The following RASA3 variants were observed in gnomAD, a reference collection of about 807,000 sequenced individuals.
The protein encoded by RASA3 is RAS p21 protein activator 3.
RASA3 carries 73 observed loss-of-function variants against 110.0 expected under a neutral mutation model. The ratio of observed to expected loss-of-function variants is 0.66; its 90% CI spans 0.55 to 0.81. The LOEUF (loss-of-function observed/expected upper bound fraction) is 0.81. Ranked by LOEUF, RASA3 falls within the 30% of genes least tolerant of loss-of-function variation. The pLI, the probability that RASA3 is intolerant of heterozygous loss-of-function variation, is 0.00. For missense variants in RASA3, 976 were observed against 1,113.2 expected, an observed-to-expected ratio of 0.88 and a Z score of 1.75; for synonymous variants, 500 against 451.4, an observed-to-expected ratio of 1.11 and a Z score of -1.37.
At chr13:113,981,644 C>T (rs369764105) in intron 23 of RASA3, 31 bp downstream of exon 23, 168 of 1,608,802 alleles carry the variant, frequency 1.0e-4, no homozygotes, top group South Asian at 8.3e-4. Flanking sequence ...CTACACTGGC[C>T]GTCCAGGGCA....
At chr13:114,067,469 A>G (rs1454354215) in intron 2 of RASA3, among the ~76,000 whole-genome samples, 4 of 152,252 alleles carry the variant, frequency 2.6e-5, no homozygotes, top group Non-Finnish European at 5.9e-5. Flanking sequence ...TTCCTAAGTC[A>G]GCAACTTGGT....
chr13:114,065,347 T>TG lies in RASA3; in HGVS notation c.173+8372dup, dbSNP rs927848619. Among the ~76,000 whole-genome samples the TG allele has an allele frequency of 6.6e-6, 1 of 152,004 alleles. No individual in the cohort carries two copies. The highest frequency in any genetic ancestry group is 2.4e-5 in the African/African-American group (1 of 41,386). On this transcript the variant is annotated intron_variant, in intron 2 of 23. Coordinates refer to ENST00000334062, the MANE Select transcript of RASA3 (RefSeq NM_007368.4). The surrounding 1 kb of genome is among the most constrained non-coding windows in gnomAD (Gnocchi z 4.1). ...GGCTCGGGGCCCATTTCCCAAACGC[T>TG]GGGGGGAGCCGGGAGCTGCCAGGGC...
chr13:114,117,746 T>TGTGAGGGGTGCAC (rs1398303056), intron 1 of RASA3, among the ~76,000 whole-genome samples: 1 of 122,190 alleles, frequency 8.2e-6, no homozygotes, highest in Admixed American at 9.0e-5. Context: ...AGAGCACGTG[T>TGTGAGGGGTGCAC]GTGAGGGATG....
chr13:114,018,184 C>T lies in RASA3; in HGVS notation c.1011G>A (p.Pro337=), dbSNP rs746240162. 3.6e-5 allele frequency: 56 copies of T among 1,552,104 alleles called. No individual in the cohort carries two copies. Among genetic ancestry groups the T allele is most frequent in the African/African-American group, 1.4e-4 (10 of 73,100 alleles). Residue 337 remains proline (P), a synonymous_variant, in exon 11 of 24, where the codon CCG becomes CCA. Transcript: ENST00000334062. ...VCREKQEAAV[P]LVRLFLHYGR... is the part of the protein sequence containing the mutation. ...CATAGTGTAGGAAGAGCCGCACCAG[C>T]GGGACGGCCGCCTCCTGCTTCTCCC...
At chr13:114,020,840 C>G (rs555720039) in intron 9 of RASA3, among the ~76,000 whole-genome samples, 1 of 152,196 alleles carries the variant, frequency 6.6e-6, no homozygotes, top group Non-Finnish European at 1.5e-5. Flanking sequence ...GAGGTGCTGC[C>G]GAGGGCCCAG....
At chr13:114,074,096 G>T (rs1036285990) in intron 1 of RASA3, among the ~76,000 whole-genome samples, 1 of 152,214 alleles carries the variant, frequency 6.6e-6, no homozygotes, top group Non-Finnish European at 1.5e-5. Flanking sequence ...GCTGTGTCTT[G>T]TTTACCTGCA....
rs1046144589 is a variant in RASA3, at chr13:114,114,723, G to A, written c.55+17712C>T. ...TAACCCTTGATAACATGTGGGCAGG[G>A]TTTCAGTGTAAACCCGAGGGCAGGT... On this transcript the variant is annotated intron_variant, in intron 1 of 23. Transcript: ENST00000334062. The surrounding 1 kb of genome is among the most constrained non-coding windows in gnomAD (Gnocchi z 4.8). 1.1e-4 allele frequency among the ~76,000 whole-genome samples: 17 copies of A among 152,186 alleles called. No individual in the cohort carries two copies. Among genetic ancestry groups the A allele is most frequent in the Non-Finnish European group, 2.4e-4 (16 of 68,038 alleles).
Position 114,096,231 on chromosome 13 carries a change from G to A in RASA3, c.56-22394C>T, listed in dbSNP as rs1459980131. Among the ~76,000 whole-genome samples the A allele has an allele frequency of 6.6e-6, 1 of 152,180 alleles. No homozygotes were observed. Among genetic ancestry groups the A allele is most frequent in the African/African-American group, 2.4e-5 (1 of 41,438 alleles). ...AGGGAGTGCGCAGGCCCACCCCGGC[G>A]TGCTGCCTGGGAGTCCACGTTCTCG... is the stretch of plus-strand genomic sequence containing the variant. On this transcript the variant is annotated intron_variant, in intron 1 of 23. Transcript: ENST00000334062. The surrounding 1 kb of genome is among the most constrained non-coding windows in gnomAD (Gnocchi z 5.1).
At chr13:114,045,082 G>GC (rs2079031609) in intron 3 of RASA3, among the ~76,000 whole-genome samples, 1 of 152,190 alleles carries the variant, frequency 6.6e-6, no homozygotes, top group African/African-American at 2.4e-5. Context: ...TCTGTCACCA[G>GC]CCCCCAACCT....
intron 4 of RASA3, among the ~76,000 whole-genome samples, chr13:114,039,839 C>G (rs934904282): frequency 3.3e-5 from 5 of 152,236 alleles, no homozygotes; most frequent in Admixed American, 2.0e-4. Context: ...AAGCTCCCCC[C>G]ACTGGACAGG....
chr13:114,117,538 A>G (rs1247988051), intron 1 of RASA3, among the ~76,000 whole-genome samples: 272 of 73,572 alleles, frequency 3.7e-3, no homozygotes, highest in East Asian at 8.8e-3. Flanking sequence ...AGGGGTGCAC[A>G]TGTGTGAGGG....
intron 4 of RASA3, among the ~76,000 whole-genome samples, chr13:114,038,185 G>A (rs1382799925): frequency 7.2e-5 from 11 of 152,212 alleles, no homozygotes; most frequent in South Asian, 2.1e-4. Flanking sequence ...CTCAGAGGCC[G>A]TTGTGACGGA....
At chr13:114,120,502 C>T (rs1254435232) in intron 1 of RASA3, among the ~76,000 whole-genome samples, 8 of 57,058 alleles carry the variant, frequency 1.4e-4, no homozygotes, top group South Asian at 8.9e-4. Context: ...ATCAGGGCCC[C>T]CCCTCCTCTC....
intron 8 of RASA3, 40 bp downstream of exon 8, chr13:114,024,239 A>G: frequency 1.3e-6 from 2 of 1,588,682 alleles, no homozygotes; most frequent in Non-Finnish European, 1.7e-6. Context: ...AGTTTGGGTG[A>G]AAACTGCCAA....
At chr13:114,089,551 C>T (rs946141900) in intron 1 of RASA3, among the ~76,000 whole-genome samples, 5 of 152,040 alleles carry the variant, frequency 3.3e-5, no homozygotes, top group Non-Finnish European at 5.9e-5. Flanking sequence ...AAGAGTTGCC[C>T]GGTGACCCAG....
chr13:114,030,759 G>A (rs990767548), intron 4 of RASA3, among the ~76,000 whole-genome samples: 3 of 148,746 alleles, frequency 2.0e-5, no homozygotes, highest in African/African-American at 7.5e-5. Context: ...GTGCAGCTGT[G>A]TATGTGAGCA....
chr13:114,103,125 G>A (rs1233298190), intron 1 of RASA3, among the ~76,000 whole-genome samples: 3 of 152,180 alleles, frequency 2.0e-5, no homozygotes, highest in Non-Finnish European at 4.4e-5. Flanking sequence ...GGCCGTGACT[G>A]TTGCTGTGTC....
intron 2 of RASA3, among the ~76,000 whole-genome samples, chr13:114,052,424 G>C (rs529797151): frequency 6.6e-6 from 1 of 152,162 alleles, no homozygotes; most frequent in Non-Finnish European, 1.5e-5. Flanking sequence ...CAGAGACCAC[G>C]GCCACTGCCA....
chr13:114,068,935 C>G (rs180875783), intron 2 of RASA3, among the ~76,000 whole-genome samples: 1 of 152,320 alleles, frequency 6.6e-6, no homozygotes, highest in East Asian at 1.9e-4. Context: ...GCCCTTCAAC[C>G]TCCACCTTGA....
Sources: gnomAD v4.1 joint callset for allele counts (sites outside exome capture counted in the v4.1 genomes callset) on GRCh38, gnomAD v4.1.1 for gene constraint, Gnocchi (gnomAD v3.1) non-coding constraint, MANE v1.5 for transcripts, NCBI Gene and HGNC (gene_info 2026-07-23, HGNC 2026-07-21) for gene names.